FRMD4A: variants seen among roughly 807,000 people sequenced by gnomAD.
FRMD4A encodes the protein FERM domain-containing protein 4A.
A neutral mutation model predicts 129.1 loss-of-function variants in FRMD4A; 29 were observed. That is an observed-to-expected ratio of 0.22 (90% confidence interval 0.17 to 0.31). The LOEUF (loss-of-function observed/expected upper bound fraction) is 0.31. FRMD4A is among the 10% of genes least tolerant of loss of function. The probability of loss-of-function intolerance (pLI) is 1.00; values close to 1 mark genes in which losing one functional copy is unlikely to be tolerated. For synonymous variants in FRMD4A, 634 were observed against 571.6 expected (o/e 1.11, Z -1.56); for missense variants, 1,272 against 1,375.8 (o/e 0.92, Z 1.19).
intron 2 of FRMD4A, among the ~76,000 whole-genome samples, chr10:13,967,415 T>C (rs2131374994): frequency 6.6e-6 from 1 of 152,104 alleles, no homozygotes; most frequent in African/African-American, 2.4e-5. Context: ...GATAAAAGAC[T>C]ACAAATTGGG....
At chr10:13,757,282 T>C (rs945337922) in intron 8 of FRMD4A, among the ~76,000 whole-genome samples, 3 of 152,236 alleles carry the variant, frequency 2.0e-5, no homozygotes, top group African/African-American at 7.2e-5. Context: ...TTTTTTGTTT[T>C]ACATGTATAT....
chr10:13,707,656 A>C (rs992557284), intron 12 of FRMD4A: 3 of 986,692 alleles, frequency 3.0e-6, no homozygotes, highest in South Asian at 9.4e-5. Context: ...CTAATGTGTA[A>C]GAGCCTTGCA....
At chr10:13,793,172 CTTTT>C (rs1162846396) in intron 5 of FRMD4A, among the ~76,000 whole-genome samples, 1 of 140,894 alleles carries the variant, frequency 7.1e-6, no homozygotes. Flanking sequence ...CCCTCTGTTT[CTTTT>C]TTTTTTTTTT....
chr10:14,162,861 A>T (rs1043461230), intron 2 of FRMD4A, among the ~76,000 whole-genome samples: 1 of 152,032 alleles, frequency 6.6e-6, no homozygotes, highest in South Asian at 2.1e-4. Context: ...GCAATGCATG[A>T]TTTACTCAAC....
intron 2 of FRMD4A, chr10:13,891,778 G>GCCC: frequency 1.0e-6 from 1 of 955,710 alleles, no homozygotes; most frequent in Non-Finnish European, 1.2e-6. Flanking sequence ...CGTCCCCGCC[G>GCCC]CCGCCCCCGC....
intron 6 of FRMD4A, among the ~76,000 whole-genome samples, chr10:13,765,096 G>C (rs1265311059): frequency 6.8e-6 from 1 of 147,850 alleles, no homozygotes; most frequent in East Asian, 2.1e-4. Flanking sequence ...CTGATTCAAG[G>C]ATTGATTTTT....
chr10:13,763,138 AGGG>A (rs1473048710), intron 6 of FRMD4A, among the ~76,000 whole-genome samples: 1 of 152,202 alleles, frequency 6.6e-6, no homozygotes, highest in Non-Finnish European at 1.5e-5. Context: ...GGGATGGACT[AGGG>A]GACCTGGGCC....
chr10:14,310,114 C>G (rs923916657), intron 2 of FRMD4A, among the ~76,000 whole-genome samples: 1 of 152,208 alleles, frequency 6.6e-6, no homozygotes, highest in African/African-American at 2.4e-5. Flanking sequence ...AGGATGTGGC[C>G]CTGCCTCCCC....
At chr10:13,680,226 G>A (rs982192948) in intron 15 of FRMD4A, among the ~76,000 whole-genome samples, 3 of 152,134 alleles carry the variant, frequency 2.0e-5, no homozygotes, top group Non-Finnish European at 4.4e-5. Flanking sequence ...GGAGGCCAAG[G>A]AGGGAGCATC....
rs554844682 is a variant in FRMD4A at position 13,657,519 on chromosome 10, C to T, written c.2070G>A (p.Ser690=). 7.6e-6 allele frequency: 12 copies of T among 1,570,560 alleles called. No individual in the cohort carries two copies. The highest frequency in any genetic ancestry group is 1.8e-4 in the Middle Eastern group (1 of 5,584). ...GCAGTCGGGTGGGGCTGATGTCCAC[C>T]GACCTGCCGGGAGACGACCCGGGTT... ...RSPHYVHSTR[S]VDISPTRLHS... is the part of the protein sequence containing the mutation. The change falls in exon 22 of 25, where the codon TCG becomes TCA. Residue 690 remains serine, a synonymous_variant. Coordinates refer to ENST00000357447, the MANE Select transcript of FRMD4A (RefSeq NM_018027.5).
chr10:14,010,811 A>C (rs1349102316), intron 2 of FRMD4A, among the ~76,000 whole-genome samples: 1 of 151,944 alleles, frequency 6.6e-6, no homozygotes. Context: ...TGCCTGGCCA[A>C]GTATTTCTTT....
intron 2 of FRMD4A, among the ~76,000 whole-genome samples, chr10:14,051,845 A>C (rs553805852): frequency 1.3e-5 from 2 of 152,370 alleles, no homozygotes; most frequent in South Asian, 4.1e-4. Flanking sequence ...GTAGCTGCTG[A>C]GAGATCCACG....
chr10:14,082,554 T>C (rs1423833663), intron 2 of FRMD4A, among the ~76,000 whole-genome samples: 1 of 152,246 alleles, frequency 6.6e-6, no homozygotes, highest in Middle Eastern at 3.4e-3. Flanking sequence ...CAGTCGCCCA[T>C]AGTTCTGCAT....
chr10:14,082,631 G>C lies in FRMD4A; in HGVS notation c.46-223719C>G, dbSNP rs572930458. On this transcript the variant is annotated intron_variant, in intron 2 of 24. Coordinates refer to ENST00000357447, the MANE Select transcript of FRMD4A (RefSeq NM_018027.5). ...CAGCACTGAAGTTGAGTGACGAAAA[G>C]GCACCTGAAACTCAGGTGCATTTCA... Among the ~76,000 whole-genome samples the C allele has an allele frequency of 3.0e-4, 46 of 152,134 alleles. 1 individual carries two copies. The highest frequency in any genetic ancestry group is 1.9e-4 in the Non-Finnish European group (13 of 68,026).
At chr10:13,876,053 A>C (rs2094486252) in intron 2 of FRMD4A, among the ~76,000 whole-genome samples, 1 of 152,260 alleles carries the variant, frequency 6.6e-6, no homozygotes, top group East Asian at 1.9e-4. Flanking sequence ...TCATTGCTCA[A>C]AATGGAATGG....
intron 2 of FRMD4A, among the ~76,000 whole-genome samples, chr10:14,171,797 T>C (rs999360383): frequency 6.6e-6 from 1 of 152,174 alleles, no homozygotes; most frequent in African/African-American, 2.4e-5. Flanking sequence ...AAAATTTAGC[T>C]CTAGGAGGCT....
At chr10:14,011,724 G>A (rs1000359852) in intron 2 of FRMD4A, among the ~76,000 whole-genome samples, 1 of 152,162 alleles carries the variant, frequency 6.6e-6, no homozygotes, top group Non-Finnish European at 1.5e-5. Context: ...AACAGCAAGA[G>A]AAGGCGGGAC....
At chr10:14,216,124 CT>C (rs1843068076) in intron 2 of FRMD4A, among the ~76,000 whole-genome samples, 1 of 152,160 alleles carries the variant, frequency 6.6e-6, no homozygotes, top group Non-Finnish European at 1.5e-5. Context: ...ACCCCACCAG[CT>C]TTGTACAAAC....
At chr10:13,864,286 A>T (rs1342515202) in intron 2 of FRMD4A, among the ~76,000 whole-genome samples, 4 of 140,230 alleles carry the variant, frequency 2.9e-5, no homozygotes, top group Non-Finnish European at 6.0e-5. Flanking sequence ...ATGAGCCACC[A>T]CACCCCGCCA....
Sources: allele counts gnomAD v4.1 joint callset (sites outside exome capture counted in the v4.1 genomes callset), GRCh38; gene constraint gnomAD v4.1.1; transcripts MANE v1.5; gene names NCBI Gene and HGNC (gene_info 2026-07-23, HGNC 2026-07-21).